AGTPBP1: variants seen among roughly 807,000 people sequenced by gnomAD.
The protein encoded by AGTPBP1 is cytosolic carboxypeptidase 1.
In AGTPBP1, 70 loss-of-function variants were observed where a neutral mutation model predicts 143.9. The ratio of observed to expected loss-of-function variants is 0.49; its 90% CI spans 0.40 to 0.59. The LOEUF is 0.59. Ranked by LOEUF, AGTPBP1 falls within the 20% of genes least tolerant of loss-of-function variation. The pLI, the probability that AGTPBP1 is intolerant of heterozygous loss-of-function variation, is 0.00. For synonymous variants in AGTPBP1, 463 were observed against 500.2 expected, an observed-to-expected ratio of 0.93 and a Z score of 0.99; for missense variants, 1,229 against 1,464.5, an observed-to-expected ratio of 0.84 and a Z score of 2.62.
chr9:85,644,411 T>G (rs1832686948), intron 12 of AGTPBP1, among the ~76,000 whole-genome samples: 1 of 150,998 alleles, frequency 6.6e-6, no homozygotes, highest in Admixed American at 6.6e-5. Context: ...AATATGGCCT[T>G]ACATAGTGGC....
At chr9:85,703,792 T>C (rs955112147) in intron 2 of AGTPBP1, among the ~76,000 whole-genome samples, 5 of 152,142 alleles carry the variant, frequency 3.3e-5, no homozygotes, top group African/African-American at 1.2e-4. Flanking sequence ...AAGGACACTG[T>C]ATAGGTTAAA....
the AGTPBP1 span, among the ~76,000 whole-genome samples, chr9:85,752,502 T>G: frequency 6.6e-6 from 1 of 152,258 alleles, no homozygotes; most frequent in Non-Finnish European, 1.5e-5. Flanking sequence ...CTTATCCTTG[T>G]TACGCTAATG....
chr9:85,625,447 C>T (rs1831209468), intron 14 of AGTPBP1, among the ~76,000 whole-genome samples: 1 of 152,126 alleles, frequency 6.6e-6, no homozygotes, highest in Non-Finnish European at 1.5e-5. Context: ...GTTAACCATG[C>T]TTTTGTGGTT....
At chr9:85,728,590 G>A (rs767323493) in intron 1 of AGTPBP1, among the ~76,000 whole-genome samples, 102 of 152,264 alleles carry the variant, frequency 6.7e-4, no homozygotes, top group Middle Eastern at 3.4e-3. Flanking sequence ...AATGAAAACT[G>A]TGAATGCTTA....
rs1183914260 is a variant in AGTPBP1, at chr9:85,633,162, ATTATCT to A, written c.1509_1514del (p.Lys503_Asp504del). Reference sequence around the variant, plus strand: ...CTGGCTGCTGTTGTAATGTTCTATCATTATCTTTAATATCTTCTTTTGCTAGATCCA... The same window carrying A: ...CTGGCTGCTGTTGTAATGTTCTATCATTAATATCTTCTTTTGCTAGATCCA... On this transcript the variant is annotated inframe_deletion, in exon 14 of 26. Transcript: ENST00000357081. The A allele has an allele frequency of 6.2e-7, 1 of 1,613,472 alleles. No homozygotes were observed. The highest frequency in any genetic ancestry group is 1.3e-5 in the African/African-American group (1 of 74,828).
chr9:85,689,221 C>T (rs550755007), intron 3 of AGTPBP1, among the ~76,000 whole-genome samples: 4 of 152,036 alleles, frequency 2.6e-5, no homozygotes, highest in East Asian at 3.9e-4. Context: ...TATGGCTGTT[C>T]GTGTGCTAAA....
chr9:85,782,300 A>C, the AGTPBP1 span, among the ~76,000 whole-genome samples: 1 of 152,198 alleles, frequency 6.6e-6, no homozygotes, highest in Non-Finnish European at 1.5e-5. Flanking sequence ...GGATCACCGG[A>C]GGGTAGGAGT....
At position 85,654,077 on chromosome 9, in the gene AGTPBP1, A is replaced by G. The variant is rs554937406; in HGVS notation, c.1087+1066T>C. Reference sequence around the variant, plus strand: ...TATGACATATACCATTAATAAATTTATATCAAGGATAATGAAACTAATATA... The same window carrying G: ...TATGACATATACCATTAATAAATTTGTATCAAGGATAATGAAACTAATATA... On this transcript the variant is annotated intron_variant, in intron 11 of 25. Coordinates refer to ENST00000357081, the MANE Select transcript of AGTPBP1 (RefSeq NM_001330701.2). Among the ~76,000 whole-genome samples, 6 of 152,340 alleles carry G rather than the reference A, an allele frequency of 3.9e-5. No homozygotes were observed. In the South Asian group the frequency reaches 1.2e-3, roughly 32 times the overall value.
chr9:85,605,614 C>T (rs1829944790), intron 17 of AGTPBP1, among the ~76,000 whole-genome samples: 1 of 151,852 alleles, frequency 6.6e-6, no homozygotes, highest in Non-Finnish European at 1.5e-5. Context: ...ATACTGTAAT[C>T]GTGGTGAGTA....
At chr9:85,774,321 G>A in the AGTPBP1 span, among the ~76,000 whole-genome samples, 4 of 152,114 alleles carry the variant, frequency 2.6e-5, no homozygotes, top group Non-Finnish European at 4.4e-5. Context: ...ATGTAGAAAT[G>A]TGGGATTGAT....
chr9:85,550,750 A>G (rs754135523), intron 25 of AGTPBP1, among the ~76,000 whole-genome samples: 13 of 152,138 alleles, frequency 8.5e-5, no homozygotes, highest in Non-Finnish European at 1.5e-4. Flanking sequence ...TATGCTCGGT[A>G]ACATTCACTC....
intron 13 of AGTPBP1, among the ~76,000 whole-genome samples, chr9:85,642,417 C>T (rs1384383091): frequency 6.6e-6 from 1 of 151,864 alleles, no homozygotes; most frequent in Non-Finnish European, 1.5e-5. Flanking sequence ...CAACCTCCGC[C>T]TCCCAGGTTC....
chr9:85,783,038 C>T, the AGTPBP1 span, among the ~76,000 whole-genome samples: 1 of 151,542 alleles, frequency 6.6e-6, no homozygotes, highest in African/African-American at 2.4e-5. Flanking sequence ...TGTAAATGGC[C>T]CATGTTTATG....
chr9:85,601,341 G>A (rs956437855), intron 17 of AGTPBP1, among the ~76,000 whole-genome samples: 9 of 152,178 alleles, frequency 5.9e-5, no homozygotes, highest in African/African-American at 2.2e-4. Context: ...TGTAAATCAC[G>A]TGAGGGGCTT....
chr9:85,672,219 C>G (rs1302297629), intron 7 of AGTPBP1, among the ~76,000 whole-genome samples: 4 of 152,096 alleles, frequency 2.6e-5, no homozygotes, highest in African/African-American at 9.7e-5. Flanking sequence ...TAGGCGCCCA[C>G]CACCATGCCC....
the AGTPBP1 span, among the ~76,000 whole-genome samples, chr9:85,774,666 T>A: frequency 7.9e-5 from 12 of 152,204 alleles, no homozygotes; most frequent in African/African-American, 2.4e-4. Flanking sequence ...AAATCATTGT[T>A]AGGTGATACT....
chr9:85,583,479 G>A (rs1399230909), intron 23 of AGTPBP1, among the ~76,000 whole-genome samples: 1 of 152,154 alleles, frequency 6.6e-6, no homozygotes, highest in Non-Finnish European at 1.5e-5. Flanking sequence ...CTGGTGAGGG[G>A]AGGTGTGTGT....
the AGTPBP1 span, chr9:85,781,427 C>T: frequency 2.1e-6 from 3 of 1,397,042 alleles, no homozygotes; most frequent in Non-Finnish European, 2.9e-6. Flanking sequence ...GAAGTCATGC[C>T]AGCTTTGTAG....
chr9:85,676,080 ATTGTAAAAATTAAG>A (rs1322198779), intron 6 of AGTPBP1, among the ~76,000 whole-genome samples: 1 of 152,154 alleles, frequency 6.6e-6, no homozygotes, highest in Non-Finnish European at 1.5e-5. Context: ...AGCATGTTAG[ATTGTAAAAATTAAG>A]CACTCTCCAT....
Sources: allele counts gnomAD v4.1 joint callset (sites outside exome capture counted in the v4.1 genomes callset), GRCh38; gene constraint gnomAD v4.1.1; transcripts MANE v1.5; gene names NCBI Gene and HGNC (gene_info 2026-07-23, HGNC 2026-07-21).